FAT3: variants seen among roughly 807,000 people sequenced by gnomAD.
FAT3 encodes the protein FAT atypical cadherin 3, also known as protocadherin Fat 3.
A neutral mutation model predicts 310.2 loss-of-function variants in FAT3; 95 were observed. The ratio of observed to expected loss-of-function variants is 0.31; its 90% confidence interval spans 0.26 to 0.36. The LOEUF is 0.36. Among genes scored for constraint, FAT3 ranks in the 10% least tolerant of loss-of-function variants. The pLI, the probability that FAT3 is intolerant of heterozygous loss-of-function variation, is 1.00. For synonymous variants in FAT3, 2,314 were observed against 2,192.9 expected, an observed-to-expected ratio of 1.06 and a Z score of -1.54; for missense variants, 5,408 against 5,715.6, an observed-to-expected ratio of 0.95 and a Z score of 1.74.
At chr11:92,758,106 C>T (rs1946051202) in intron 4 of FAT3, among the ~76,000 whole-genome samples, 1 of 152,046 alleles carries the variant, frequency 6.6e-6, no homozygotes, top group Non-Finnish European at 1.5e-5. Flanking sequence ...CACTTATTAT[C>T]ATAGGGAAGA....
At chr11:92,280,427 GTAAT>G (rs1946391349) in intron 1 of FAT3, among the ~76,000 whole-genome samples, 1 of 152,158 alleles carries the variant, frequency 6.6e-6, no homozygotes, top group Non-Finnish European at 1.5e-5. Context: ...ACAGCAGTAA[GTAAT>G]TAATGGGAAT....
chr11:92,783,357 C>CAAA (rs35357267), intron 7 of FAT3, among the ~76,000 whole-genome samples: 107 of 44,838 alleles, frequency 2.4e-3, no homozygotes, highest in Middle Eastern at 0.021. Flanking sequence ...GACTCCATCT[C>CAAA]AAAAAAAAAA....
intron 3 of FAT3, among the ~76,000 whole-genome samples, chr11:92,568,208 G>A (rs1955540732): frequency 6.6e-6 from 1 of 152,060 alleles, no homozygotes; most frequent in South Asian, 2.1e-4. Context: ...CAGCAGAGTG[G>A]AGGCAATCAC....
At chr11:92,680,559 T>C (rs1943453266) in intron 3 of FAT3, among the ~76,000 whole-genome samples, 1 of 152,220 alleles carries the variant, frequency 6.6e-6, no homozygotes, top group African/African-American at 2.4e-5. Flanking sequence ...CCAGCTTTGT[T>C]CTTTTTGCTT....
intron 3 of FAT3, among the ~76,000 whole-genome samples, chr11:92,679,565 A>G (rs1278751972): frequency 6.6e-6 from 1 of 152,062 alleles, no homozygotes; most frequent in Non-Finnish European, 1.5e-5. Flanking sequence ...TGTTGAGGCC[A>G]GGCACGGTGG....
At chr11:92,602,830 C>T (rs369741125) in intron 3 of FAT3, among the ~76,000 whole-genome samples, 16 of 152,276 alleles carry the variant, frequency 1.1e-4, no homozygotes, top group African/African-American at 3.9e-4. Flanking sequence ...TAAAGTAGGG[C>T]AAGCTTTTTG....
At chr11:92,499,713 ATGTGTGTGTATG>A (rs1175131912) in intron 2 of FAT3, among the ~76,000 whole-genome samples, 2 of 119,310 alleles carry the variant, frequency 1.7e-5, no homozygotes, top group Non-Finnish European at 3.5e-5. Context: ...GTGTGTGTGT[ATGTGTGTGTATG>A]TGTGTGTGTG....
chr11:92,325,393 C>T (rs963657556), intron 1 of FAT3, among the ~76,000 whole-genome samples: 3 of 152,176 alleles, frequency 2.0e-5, no homozygotes, highest in Admixed American at 6.5e-5. Context: ...CCTAGGTGTA[C>T]ACAATGAGTA....
intron 1 of FAT3, among the ~76,000 whole-genome samples, chr11:92,298,495 A>T (rs1322790260): frequency 6.6e-6 from 1 of 152,072 alleles, no homozygotes; most frequent in Non-Finnish European, 1.5e-5. Context: ...ACTAATATTT[A>T]AAAAAAGAAG....
At chr11:92,294,016 C>A (rs376363180) in intron 1 of FAT3, among the ~76,000 whole-genome samples, 2 of 151,960 alleles carry the variant, frequency 1.3e-5, no homozygotes, top group East Asian at 3.9e-4. Context: ...TCTTGGGCTG[C>A]CATAACAAAA....
chr11:92,753,202 C>G (rs955321546), intron 4 of FAT3, among the ~76,000 whole-genome samples: 1 of 152,118 alleles, frequency 6.6e-6, no homozygotes. Context: ...CTGCCACTTT[C>G]CTTCAGGCCA....
At chr11:92,775,353 A>T (rs117249339) in intron 7 of FAT3, among the ~76,000 whole-genome samples, 198 of 152,342 alleles carry the variant, frequency 1.3e-3, no homozygotes, top group East Asian at 4.2e-3. Flanking sequence ...GAAAAATATA[A>T]TGCAACTCTT....
chr11:92,497,998 G>A (rs1217365490), intron 2 of FAT3, among the ~76,000 whole-genome samples: 2 of 151,962 alleles, frequency 1.3e-5, no homozygotes, highest in Non-Finnish European at 2.9e-5. Flanking sequence ...AGGCCTGGGG[G>A]TAGAGTGGTG....
chr11:92,651,877 A>C (rs1392628945), intron 3 of FAT3, among the ~76,000 whole-genome samples: 1 of 152,238 alleles, frequency 6.6e-6, no homozygotes, highest in Non-Finnish European at 1.5e-5. Flanking sequence ...GTGTCTAACA[A>C]CATCAAACAT....
Position 92,355,329 on chromosome 11 carries a change from G to A in FAT3, c.3217G>A (p.Gly1073Arg), listed in dbSNP as rs757716444. 1.2e-5 allele frequency: 19 copies of A among 1,613,678 alleles called. No individual in the cohort carries two copies. Among genetic ancestry groups the A allele is most frequent in the African/African-American group, 8.0e-5 (6 of 74,904 alleles). ...LQVTARDEDSGRDGEIQYSIR... is the reference protein window; with the variant it reads ...LQVTARDEDSRRDGEIQYSIR... ...GGTGACTGCTCGAGATGAAGACTCC[G>A]GAAGGGATGGAGAGATCCAGTACTC... The change falls in exon 2 of 28, where the codon GGA becomes AGA. Residue 1073 changes from glycine to arginine, a missense_variant. Physicochemically the swap from Gly to Arg is moderately radical, Grantham distance 125. Around this residue, in one of 5 missense-constraint regions of FAT3, gnomAD observed 4,588 missense variants for 4,809.8 expected, o/e 0.95. Coordinates refer to ENST00000525166, the MANE Select transcript of FAT3 (RefSeq NM_001367949.2).
At chr11:92,573,511 T>C (rs1938299378) in intron 3 of FAT3, among the ~76,000 whole-genome samples, 1 of 152,182 alleles carries the variant, frequency 6.6e-6, no homozygotes, top group African/African-American at 2.4e-5. Context: ...TGTAACCTTA[T>C]TTGGAATTAG....
intron 9 of FAT3, among the ~76,000 whole-genome samples, chr11:92,796,178 C>T (rs1367896096): frequency 6.6e-6 from 1 of 152,130 alleles, no homozygotes; most frequent in Non-Finnish European, 1.5e-5. Flanking sequence ...TGTGGATCAC[C>T]TGTTGGATTC....
intron 21 of FAT3, among the ~76,000 whole-genome samples, chr11:92,865,463 A>G (rs1032825378): frequency 5.3e-5 from 8 of 152,196 alleles, no homozygotes; most frequent in African/African-American, 1.9e-4. Flanking sequence ...CCTGACAAGT[A>G]TCTGTTCTCT....
chr11:92,535,142 C>T (rs898368353), intron 3 of FAT3, among the ~76,000 whole-genome samples: 1 of 152,116 alleles, frequency 6.6e-6, no homozygotes, highest in African/African-American at 2.4e-5. Flanking sequence ...TTTCCTTTAG[C>T]TTAAAATACT....
Sources: gnomAD v4.1 joint callset for allele counts (sites outside exome capture counted in the v4.1 genomes callset) on GRCh38, gnomAD v4.1.1 for gene constraint, gnomAD v4.1.1 regional missense constraint, MANE v1.5 for transcripts, NCBI Gene and HGNC (gene_info 2026-07-23, HGNC 2026-07-21) for gene names.